CAST: variants seen among roughly 807,000 people sequenced by gnomAD.
CAST encodes the protein MIR583 host.
A neutral mutation model predicts 119.6 loss-of-function variants in CAST; 76 were observed. That is an observed-to-expected ratio of 0.64 (90% CI 0.53 to 0.77). The LOEUF is 0.77. Ranked by LOEUF, CAST falls within the 30% of genes least tolerant of loss-of-function variation. The pLI, the probability that CAST is intolerant of heterozygous loss-of-function variation, is 0.00. For missense variants in CAST, 953 were observed against 946.5 expected (o/e 1.01, Z -0.09); for synonymous variants, 319 against 331.6 (o/e 0.96, Z 0.41).
At chr5:96,333,820 T>G in the CAST span, among the ~76,000 whole-genome samples, 1 of 152,302 alleles carries the variant, frequency 6.6e-6, no homozygotes, top group East Asian at 1.9e-4. Flanking sequence ...CTAAGCTGTG[T>G]GGCGTTACAT....
the CAST span, among the ~76,000 whole-genome samples, chr5:96,489,209 A>G: frequency 1.1e-5 from 1 of 94,710 alleles, no homozygotes; most frequent in Non-Finnish European, 2.5e-5. Context: ...TTTGACGTGT[A>G]GATTTAGGTT....
chr5:96,304,979 C>T, the CAST span, among the ~76,000 whole-genome samples: 1 of 152,172 alleles, frequency 6.6e-6, no homozygotes, highest in Non-Finnish European at 1.5e-5. Flanking sequence ...TTTTCCAATT[C>T]TGTGAAGAAA....
At chr5:96,649,772 T>C (rs1748069540) in intron 1 of CAST, among the ~76,000 whole-genome samples, 3 of 152,234 alleles carry the variant, frequency 2.0e-5, no homozygotes, top group Admixed American at 1.3e-4. Context: ...ATTCAAACTG[T>C]AAAATACCAT....
intron 1 of CAST, among the ~76,000 whole-genome samples, chr5:96,586,360 G>A (rs957743473): frequency 1.3e-5 from 2 of 152,136 alleles, no homozygotes; most frequent in African/African-American, 4.8e-5. Flanking sequence ...TTTTCAATGG[G>A]CTGTATCATA....
the CAST span, among the ~76,000 whole-genome samples, chr5:96,006,885 CCT>C: frequency 1.3e-5 from 2 of 152,042 alleles, no homozygotes; most frequent in East Asian, 3.9e-4. Flanking sequence ...CCTCTCATAC[CCT>C]GTTTTCACTC....
intron 1 of CAST, among the ~76,000 whole-genome samples, chr5:96,642,549 T>C (rs1388009243): frequency 2.6e-5 from 4 of 151,864 alleles, no homozygotes; most frequent in Non-Finnish European, 5.9e-5. Flanking sequence ...GTTCCTTTTT[T>C]TTTTTTTTTG....
At chr5:96,731,100 A>G (rs1760384432) in intron 9 of CAST, among the ~76,000 whole-genome samples, 1 of 152,216 alleles carries the variant, frequency 6.6e-6, no homozygotes, top group African/African-American at 2.4e-5. Flanking sequence ...ACTGATATCA[A>G]TACCAAGGAC....
the CAST span, among the ~76,000 whole-genome samples, chr5:96,101,800 T>G: frequency 2.6e-5 from 4 of 152,148 alleles, no homozygotes; most frequent in African/African-American, 4.8e-5. Context: ...TTTTAACATC[T>G]TGTGGGAAGG....
intron 19 of CAST, 127 bp from the exon 20 acceptor site, chr5:96,750,460 C>A: frequency 2.0e-6 from 1 of 512,302 alleles, no homozygotes. Flanking sequence ...TTTAGCAATC[C>A]TTAGGTATTC....
At chr5:96,216,801 T>C in the CAST span, among the ~76,000 whole-genome samples, 1 of 152,168 alleles carries the variant, frequency 6.6e-6, no homozygotes, top group Non-Finnish European at 1.5e-5. Context: ...TTTGAGAAAA[T>C]GTTTGCCAAG....
the CAST span, among the ~76,000 whole-genome samples, chr5:96,344,133 T>C: frequency 4.2e-4 from 64 of 152,236 alleles, no homozygotes; most frequent in Non-Finnish European, 7.5e-4. Context: ...ACATTTTGGG[T>C]GTGTAGGAAG....
the CAST span, among the ~76,000 whole-genome samples, chr5:96,407,514 T>A: frequency 6.6e-6 from 1 of 152,200 alleles, no homozygotes; most frequent in African/African-American, 2.4e-5. Context: ...AATGGTATAG[T>A]CATTCAAGGC....
the CAST span, among the ~76,000 whole-genome samples, chr5:96,108,276 T>A: frequency 1.3e-5 from 2 of 152,374 alleles, no homozygotes; most frequent in African/African-American, 2.4e-5. Context: ...AGGAACTGCG[T>A]TCCTTTGGAG....
the CAST span, among the ~76,000 whole-genome samples, chr5:95,992,406 CTTT>C: frequency 1.4e-5 from 2 of 142,208 alleles, no homozygotes. Context: ...CTTCTCTATG[CTTT>C]TTTTTTTTTT....
intron 1 of CAST, among the ~76,000 whole-genome samples, chr5:96,637,130 G>A (rs17086446): frequency 0.2 from 30,426 of 152,086 alleles, 3,503 homozygotes; most frequent in East Asian, 0.42. Context: ...GGCCAATTAC[G>A]TCTTAGGTCA....
intron 18 of CAST, among the ~76,000 whole-genome samples, chr5:96,748,224 A>G (rs1315697309): frequency 6.6e-6 from 1 of 152,248 alleles, no homozygotes; most frequent in Non-Finnish European, 1.5e-5. Flanking sequence ...TTCATTGTAG[A>G]GAACAGGCAA....
chr5:96,653,002 A>G (rs1182033288), intron 1 of CAST, among the ~76,000 whole-genome samples: 2 of 152,232 alleles, frequency 1.3e-5, no homozygotes, highest in Non-Finnish European at 2.9e-5. Flanking sequence ...GATGTCTCCT[A>G]ATCCTTGAGA....
At chr5:96,021,662 G>A in the CAST span, among the ~76,000 whole-genome samples, 2 of 152,148 alleles carry the variant, frequency 1.3e-5, no homozygotes, top group Admixed American at 6.5e-5. Context: ...TAGCCAGGAT[G>A]GTCTTTATCT....
chr5:96,129,700 G>C, the CAST span, among the ~76,000 whole-genome samples: 4 of 151,988 alleles, frequency 2.6e-5, no homozygotes, highest in Non-Finnish European at 5.9e-5. Context: ...AATGACATCA[G>C]AGATATTTTT....
Sources: gnomAD v4.1 joint callset for allele counts (sites outside exome capture counted in the v4.1 genomes callset) on GRCh38, gnomAD v4.1.1 for gene constraint, MANE v1.5 for transcripts, NCBI Gene and HGNC (gene_info 2026-07-23, HGNC 2026-07-21) for gene names.